The following FBXL17 variants were observed in gnomAD, a reference collection of about 807,000 sequenced individuals.
FBXL17 encodes the protein F-box and leucine rich repeat protein 17.
Under a neutral mutation model 66.2 loss-of-function variants are expected in FBXL17, and 22 were observed. The ratio of observed to expected loss-of-function variants is 0.33; its 90% CI spans 0.24 to 0.47. FBXL17 has a LOEUF of 0.47. Among genes scored for constraint, FBXL17 ranks in the 20% least tolerant of loss-of-function variants. The pLI is 1.00. For synonymous variants in FBXL17, 474 were observed against 400.5 expected (o/e 1.18, Z -2.19); for missense variants, 878 against 948.2 (o/e 0.93, Z 0.97).
At chr5:108,285,833 TA>T (rs796424840) in intron 4 of FBXL17, among the ~76,000 whole-genome samples, 12 of 142,898 alleles carry the variant, frequency 8.4e-5, no homozygotes, top group Non-Finnish European at 9.3e-5. Flanking sequence ...CTCAACAAAA[TA>T]AAAAAAAAAC....
At chr5:108,081,699 G>A (rs550745548) in intron 6 of FBXL17, among the ~76,000 whole-genome samples, 278 of 152,142 alleles carry the variant, frequency 1.8e-3, no homozygotes, top group Middle Eastern at 6.8e-3. Flanking sequence ...TTCCAGCCTG[G>A]GCGACAGAGT....
chr5:108,303,361 AACACACACAC>A (rs58495859), intron 4 of FBXL17, among the ~76,000 whole-genome samples: 27 of 141,866 alleles, frequency 1.9e-4, no homozygotes, highest in Non-Finnish European at 3.3e-4. Flanking sequence ...CACAGGCATA[AACACACACAC>A]ACACACACAC....
At chr5:108,340,325 A>G (rs1471156088) in intron 4 of FBXL17, among the ~76,000 whole-genome samples, 1 of 151,224 alleles carries the variant, frequency 6.6e-6, no homozygotes, top group Non-Finnish European at 1.5e-5. Context: ...CCAAGGCAGG[A>G]GAATCGCTTG....
At chr5:108,212,546 A>T (rs1220811104) in intron 5 of FBXL17, among the ~76,000 whole-genome samples, 2 of 152,004 alleles carry the variant, frequency 1.3e-5, no homozygotes, top group Non-Finnish European at 2.9e-5. Context: ...TCTGTTTCTT[A>T]GTTTTCCTTC....
intron 6 of FBXL17, among the ~76,000 whole-genome samples, chr5:108,063,371 C>T (rs1309318027): frequency 1.3e-5 from 2 of 152,128 alleles, no homozygotes; most frequent in Admixed American, 1.3e-4. Context: ...GTCAACTATC[C>T]AAGGATTTGG....
chr5:108,230,103 A>C (rs1463291756), intron 4 of FBXL17, among the ~76,000 whole-genome samples: 1 of 152,214 alleles, frequency 6.6e-6, no homozygotes, highest in Admixed American at 6.5e-5. Context: ...AAAAGGGAAC[A>C]CTTCTACACT....
At chr5:108,266,383 C>G (rs984181538) in intron 4 of FBXL17, among the ~76,000 whole-genome samples, 2 of 152,034 alleles carry the variant, frequency 1.3e-5, no homozygotes, top group Non-Finnish European at 2.9e-5. Context: ...CTTGTGCCAT[C>G]CTGCTCTATT....
chr5:107,978,537 G>C (rs1027399960), intron 7 of FBXL17, among the ~76,000 whole-genome samples: 7 of 152,030 alleles, frequency 4.6e-5, no homozygotes, highest in African/African-American at 1.4e-4. Flanking sequence ...TTGACCTTTC[G>C]AGATGTTTTT....
At chr5:108,324,101 T>G (rs1759743570) in intron 4 of FBXL17, among the ~76,000 whole-genome samples, 1 of 151,924 alleles carries the variant, frequency 6.6e-6, no homozygotes, top group Non-Finnish European at 1.5e-5. Context: ...CATAAAAATT[T>G]TAATAATTTC....
chr5:108,295,408 C>T (rs1435766045), intron 4 of FBXL17, among the ~76,000 whole-genome samples: 1 of 151,842 alleles, frequency 6.6e-6, no homozygotes, highest in Non-Finnish European at 1.5e-5. Context: ...ATTCTTATAA[C>T]ATAAATACTG....
chr5:108,355,073 C>T (rs1183475863), intron 3 of FBXL17, among the ~76,000 whole-genome samples: 1 of 151,774 alleles, frequency 6.6e-6, no homozygotes, highest in Non-Finnish European at 1.5e-5. Flanking sequence ...TGGATCAATA[C>T]AAAGAAAGAA....
intron 4 of FBXL17, among the ~76,000 whole-genome samples, chr5:108,321,858 G>C (rs1046755960): frequency 2.0e-5 from 3 of 151,818 alleles, no homozygotes; most frequent in African/African-American, 7.3e-5. Flanking sequence ...TGCCTAGGAA[G>C]GTAGAAGAAA....
intron 5 of FBXL17, among the ~76,000 whole-genome samples, chr5:108,216,933 C>T (rs1580632605): frequency 6.6e-6 from 1 of 152,172 alleles, no homozygotes. Context: ...ATGCCTTTGT[C>T]CTTTGTATAG....
chr5:108,053,492 A>G (rs1330244673), intron 6 of FBXL17, among the ~76,000 whole-genome samples: 2 of 151,954 alleles, frequency 1.3e-5, no homozygotes, highest in African/African-American at 2.4e-5. Flanking sequence ...ACAGAGTGAG[A>G]CTCCATCTCA....
chr5:108,015,625 A>C (rs766609729), intron 7 of FBXL17, among the ~76,000 whole-genome samples: 9 of 152,204 alleles, frequency 5.9e-5, no homozygotes, highest in Non-Finnish European at 1.2e-4. Flanking sequence ...TTTCTTGAAT[A>C]ATTTATCAGT....
Position 108,302,033 on chromosome 5 carries a change from T to C in FBXL17, c.1506+46366A>G, listed in dbSNP as rs189557084. Reference sequence around the variant, plus strand: ...CATGTCGTGATTGGAATATGACATTTCTGTGCGCCAACCCATCATATGTCT... The same window carrying C: ...CATGTCGTGATTGGAATATGACATTCCTGTGCGCCAACCCATCATATGTCT... On this transcript the variant is annotated intron_variant, in intron 4 of 8. Transcript: ENST00000542267. The C allele has an allele frequency of 2.3e-3, 2,217 of 984,924 alleles. 2 individuals carry two copies. The highest frequency in any genetic ancestry group is 2.4e-3 in the Non-Finnish European group (1,975 of 829,594). 61.0% of individuals were successfully genotyped at this position (984,924 alleles called of 1,614,324 possible). A position where few individuals can be genotyped will look rare whatever the true frequency, so the allele number is the denominator to read the frequency against.
At chr5:107,922,344 A>G (rs1232618245) in intron 7 of FBXL17, among the ~76,000 whole-genome samples, 1 of 152,200 alleles carries the variant, frequency 6.6e-6, no homozygotes, top group Admixed American at 6.5e-5. Flanking sequence ...TGCTCCCTTC[A>G]AACAGATTCA....
intron 4 of FBXL17, among the ~76,000 whole-genome samples, chr5:108,312,295 A>G (rs1759160587): frequency 6.6e-6 from 1 of 152,116 alleles, no homozygotes; most frequent in African/African-American, 2.4e-5. Context: ...GCTCATTTGT[A>G]TTTCATGAAC....
chr5:108,052,546 A>G (rs576627042), intron 6 of FBXL17, among the ~76,000 whole-genome samples: 2 of 152,344 alleles, frequency 1.3e-5, no homozygotes, highest in East Asian at 3.9e-4. Context: ...AGGAAATAAG[A>G]GACAATACAA....
Sources: gnomAD v4.1 joint callset for allele counts (sites outside exome capture counted in the v4.1 genomes callset) on GRCh38, gnomAD v4.1.1 for gene constraint, MANE v1.5 for transcripts, NCBI Gene and HGNC (gene_info 2026-07-23, HGNC 2026-07-21) for gene names.